The following ANKFY1 variants were observed in gnomAD, a reference collection of about 807,000 sequenced individuals.
The protein encoded by ANKFY1 is ankyrin repeat and FYVE domain-containing protein 1.
In ANKFY1, 47 loss-of-function variants were observed where a neutral mutation model predicts 128.3. The observed-to-expected ratio is 0.37, with a 90% CI of 0.29 to 0.47. ANKFY1 has a LOEUF of 0.47. ANKFY1 is among the 20% of genes least tolerant of loss of function. The probability of loss-of-function intolerance (pLI) is 1.00; values close to 1 mark genes in which losing one functional copy is unlikely to be tolerated. For missense variants in ANKFY1, 1,222 were observed against 1,510.6 expected (o/e 0.81, Z 3.17); for synonymous variants, 553 against 601.6 (o/e 0.92, Z 1.18).
intron 1 of ANKFY1, among the ~76,000 whole-genome samples, chr17:4,244,477 T>C (rs1038356245): frequency 1.3e-5 from 2 of 152,108 alleles, no homozygotes; most frequent in African/African-American, 4.8e-5. Context: ...AACTGGCAGC[T>C]TTATCAATCA....
chr17:4,171,954 C>T (rs1158953797), intron 22 of ANKFY1, among the ~76,000 whole-genome samples: 1 of 152,150 alleles, frequency 6.6e-6, no homozygotes, highest in Non-Finnish European at 1.5e-5. Flanking sequence ...CTTTTCCTTA[C>T]CCGAAAAACG....
At chr17:4,262,526 T>C (rs1395283001) in intron 1 of ANKFY1, among the ~76,000 whole-genome samples, 1 of 152,114 alleles carries the variant, frequency 6.6e-6, no homozygotes. Context: ...CCTCCCAAAG[T>C]GCTGAAATTA....
At chr17:4,182,437 C>G in intron 14 of ANKFY1, 88 bp from the exon 15 acceptor site, 1 of 1,025,044 alleles carries the variant, frequency 9.8e-7, no homozygotes, top group Non-Finnish European at 1.4e-6. Context: ...AGTCCAGAAT[C>G]TTCTGTCTCT....
chr17:4,251,418 C>G (rs1472222393), intron 1 of ANKFY1, among the ~76,000 whole-genome samples: 3 of 151,802 alleles, frequency 2.0e-5, no homozygotes, highest in Admixed American at 2.0e-4. Flanking sequence ...CCACTGCACT[C>G]CAGCCTGGGA....
At chr17:4,179,388 A>T (rs2059468167) in intron 17 of ANKFY1, 1 of 515,916 alleles carries the variant, frequency 1.9e-6, no homozygotes, top group Non-Finnish European at 3.5e-6. Flanking sequence ...AAAAGCATCA[A>T]AGGGCGTAAC....
rs750466716 is a variant in ANKFY1 at position 4,181,075 on chromosome 17, A to G, written c.2240+179T>C. 1 of 574,754 alleles carries G rather than the reference A, an allele frequency of 1.7e-6. No individual in the cohort carries two copies. Among genetic ancestry groups the G allele is most frequent in the African/African-American group, 1.9e-5 (1 of 53,686 alleles). 35.6% of individuals were successfully genotyped at this position (574,754 alleles called of 1,614,324 possible). A position where few individuals can be genotyped will look rare whatever the true frequency, so the allele number is the denominator to read the frequency against. Reference sequence around the variant, plus strand: ...CAGGGCTGTGAGCTCCTCCCGTCACAAGTGAGCCTGGCTCCTGGCTGACTT... The same window carrying G: ...CAGGGCTGTGAGCTCCTCCCGTCACGAGTGAGCCTGGCTCCTGGCTGACTT... On this transcript the variant is annotated intron_variant, in intron 16 of 24. Coordinates refer to ENST00000341657, the MANE Select transcript of ANKFY1 (RefSeq NM_001330063.2). This position sits in a 1 kb window ranked among gnomAD's most constrained non-coding sequence, Gnocchi z 4.9.
At chr17:4,193,384 T>C (rs551520816) in intron 10 of ANKFY1, among the ~76,000 whole-genome samples, 1 of 149,650 alleles carries the variant, frequency 6.7e-6, no homozygotes, top group East Asian at 2.0e-4. Context: ...GCCTCCTGAG[T>C]AGCTCAGAGT....
At chr17:4,255,235 A>G (rs1367203698) in intron 1 of ANKFY1, among the ~76,000 whole-genome samples, 4 of 146,742 alleles carry the variant, frequency 2.7e-5, no homozygotes, top group Admixed American at 6.8e-5. Context: ...AGTGTTCTTC[A>G]TGTAATTCTT....
chr17:4,228,109 C>CA (rs763294765), intron 3 of ANKFY1, among the ~76,000 whole-genome samples: 16 of 149,052 alleles, frequency 1.1e-4, no homozygotes, highest in South Asian at 6.3e-4. Context: ...CAGGTAAATG[C>CA]AAAAAAAAAG....
rs973408651 is a variant in ANKFY1, at chr17:4,179,521, A to G, written c.2397+200T>C. 1.3e-5 allele frequency: 9 copies of G among 670,532 alleles called. No individual in the cohort carries two copies. In the African/African-American group the frequency reaches 1.4e-4, roughly 11 times the overall value. The allele number at this position is 670,532 out of a possible 1,614,324, so 41.5% of individuals were successfully genotyped here. Reference sequence around the variant, plus strand: ...GGAGGCAAAGAGAAAGAGCTGAAACAAATCTTCCTCCTGTTGTAGTAAGGA... The same window carrying G: ...GGAGGCAAAGAGAAAGAGCTGAAACGAATCTTCCTCCTGTTGTAGTAAGGA... On this transcript the variant is annotated intron_variant, in intron 17 of 24. Coordinates refer to ENST00000341657, the MANE Select transcript of ANKFY1 (RefSeq NM_001330063.2).
intron 10 of ANKFY1, among the ~76,000 whole-genome samples, chr17:4,194,303 G>C (rs1260956495): frequency 6.6e-6 from 1 of 150,500 alleles, no homozygotes; most frequent in African/African-American, 2.4e-5. Flanking sequence ...ACAGGTTTCA[G>C]TCTCTAAAGG....
chr17:4,258,128 A>G (rs1968216070), intron 1 of ANKFY1, among the ~76,000 whole-genome samples: 1 of 152,258 alleles, frequency 6.6e-6, no homozygotes. Context: ...AGAGAAAAGA[A>G]AAGAATGGTA....
At position 4,216,815 on chromosome 17, in the gene ANKFY1, A is replaced by C; in HGVS notation, c.458+168T>G. On this transcript the variant is annotated intron_variant, in intron 4 of 24. Coordinates refer to ENST00000341657, the MANE Select transcript of ANKFY1 (RefSeq NM_001330063.2). Reference sequence around the variant, plus strand: ...AAAAGCTTTAGCAAAATTTAGCTACAAGATAACACAAAGCAAGGGAGGTAA... The same window carrying C: ...AAAAGCTTTAGCAAAATTTAGCTACCAGATAACACAAAGCAAGGGAGGTAA... 3.4e-6 allele frequency: 3 copies of C among 894,598 alleles called. No individual in the cohort carries two copies. The South Asian group carries it at 4.4e-5, about 13-fold the overall frequency. The allele number at this position is 894,598 out of a possible 1,614,324, so 55.4% of individuals were successfully genotyped here. A position where few individuals can be genotyped will look rare whatever the true frequency, so the allele number is the denominator to read the frequency against.
chr17:4,212,186 G>A (rs555054014), intron 4 of ANKFY1, among the ~76,000 whole-genome samples: 2 of 152,290 alleles, frequency 1.3e-5, no homozygotes, highest in East Asian at 1.9e-4. Context: ...AGTCACAGAC[G>A]ACTAGTATGG....
At position 4,203,370 on chromosome 17, in the gene ANKFY1, A is replaced by T. The variant is rs1260204505; in HGVS notation, c.898+2951T>A. On this transcript the variant is annotated intron_variant, in intron 7 of 24. Transcript: ENST00000341657. ...TAACAAAAAACTTCACACTAAAAAA[A>T]TCCATATATAATATTTCTTTCAATG... Among the ~76,000 whole-genome samples, 9 of 152,230 alleles carry T rather than the reference A, an allele frequency of 5.9e-5. No individual in the cohort carries two copies. In the East Asian group the frequency reaches 1.5e-3, roughly 26 times the overall value.
intron 22 of ANKFY1, among the ~76,000 whole-genome samples, chr17:4,172,328 G>A (rs2059336399): frequency 6.6e-6 from 1 of 152,182 alleles, no homozygotes; most frequent in African/African-American, 2.4e-5. Flanking sequence ...CCTGTTTGGA[G>A]AAGGGTATGG....
intron 3 of ANKFY1, among the ~76,000 whole-genome samples, chr17:4,221,047 T>G (rs1272665575): frequency 6.6e-6 from 1 of 152,250 alleles, no homozygotes; most frequent in Non-Finnish European, 1.5e-5. Context: ...CAGGCCAGGA[T>G]GCATGTAAAT....
rs570509716 is a variant in ANKFY1 at position 4,207,200 on chromosome 17, C to T, written c.733-714G>A. Among the ~76,000 whole-genome samples the T allele has an allele frequency of 8.5e-5, 13 of 152,138 alleles. No homozygotes were observed. In the Middle Eastern group the frequency reaches 0.01, roughly 119 times the overall value. ...CCGATCTATCTAACCACAGAGGGCC[C>T]GATCTATCTAACCACAGAGGGCCCG... On this transcript the variant is annotated intron_variant, in intron 6 of 24. Transcript: ENST00000341657.
chr17:4,172,557 C>T lies in ANKFY1; in HGVS notation c.3138G>A (p.Thr1046=), dbSNP rs201982886. 9.0e-5 allele frequency: 146 copies of T among 1,613,432 alleles called. No homozygotes were observed. Among genetic ancestry groups the T allele is most frequent in the Non-Finnish European group, 1.2e-4 (143 of 1,179,606 alleles). The change falls in exon 22 of 25, where the codon ACG becomes ACA. Residue 1046 remains threonine (T), a splice_region_variant and synonymous_variant. Transcript: ENST00000341657. ...ACATACCCAGCCCTTGGTACACACC[C>T]GTGCTGCCGTCTGCATCCGGCTTGT... ...PLDKPDADGS[T]VLLLAYMKGN... is the part of the protein sequence containing the mutation.
Sources: gnomAD v4.1 joint callset for allele counts (sites outside exome capture counted in the v4.1 genomes callset) on GRCh38, gnomAD v4.1.1 for gene constraint, Gnocchi (gnomAD v3.1) non-coding constraint, MANE v1.5 for transcripts, NCBI Gene and HGNC (gene_info 2026-07-23, HGNC 2026-07-21) for gene names.